Variants in TJP1 observed in about 807,000 individuals in gnomAD.
TJP1 encodes the protein tight junction protein 1, also known as tight junction protein ZO-1.
TJP1 carries 43 observed loss-of-function variants against 194.2 expected under a neutral mutation model. The ratio of observed to expected loss-of-function variants is 0.22; its 90% CI spans 0.17 to 0.29. The LOEUF (loss-of-function observed/expected upper bound fraction) is 0.29. Ranked by LOEUF, TJP1 falls within the 10% of genes least tolerant of loss-of-function variation. The pLI, the probability that TJP1 is intolerant of heterozygous loss-of-function variation, is 1.00. For synonymous variants in TJP1, 801 were observed against 779.0 expected, an observed-to-expected ratio of 1.03 and a Z score of -0.47; for missense variants, 1,971 against 2,185.7, an observed-to-expected ratio of 0.90 and a Z score of 1.96.
upstream of TJP1, chr15:29,969,011 C>A (rs956584487): frequency 2.0e-5 from 3 of 147,720 alleles, no homozygotes; most frequent in African/African-American, 7.3e-5. Flanking sequence ...CTCCCGCCGC[C>A]GCCGCCCCTT....
chr15:29,873,521 CT>C (rs1402938790), intron 2 of TJP1, among the ~76,000 whole-genome samples: 2 of 152,294 alleles, frequency 1.3e-5, no homozygotes, highest in East Asian at 1.9e-4. Context: ...GAGTCAGTTT[CT>C]TTTTTGAATC....
intron 2 of TJP1, among the ~76,000 whole-genome samples, chr15:29,787,594 C>T (rs2047780405): frequency 6.6e-6 from 1 of 152,190 alleles, no homozygotes; most frequent in Admixed American, 6.5e-5. Flanking sequence ...AATGGAATCA[C>T]ATAATATATG....
intron 2 of TJP1, among the ~76,000 whole-genome samples, chr15:29,828,028 A>G (rs946593372): frequency 6.6e-6 from 1 of 152,248 alleles, no homozygotes; most frequent in Non-Finnish European, 1.5e-5. Context: ...TATATTTTTT[A>G]AAGTCCAACA....
Position 29,796,964 on chromosome 15 carries a change from G to GA in TJP1, c.84+3681dup, listed in dbSNP as rs35168660. 8.7e-4 allele frequency among the ~76,000 whole-genome samples: 131 copies of GA among 150,256 alleles called. 1 individual carries two copies. The highest frequency in any genetic ancestry group is 2.9e-3 in the African/African-American group (120 of 40,868). ...CAAAATAAACACTGGACATCTGTAT[G>GA]AAAAAAAAAAAATCTCTCTGCCCGT... is the stretch of plus-strand genomic sequence containing the variant. On this transcript the variant is annotated intron_variant, in intron 2 of 27. Coordinates refer to ENST00000614355, the MANE Select transcript of TJP1 (RefSeq NM_001330239.4).
chr15:29,943,360 T>C (rs2055151664), intron 2 of TJP1, among the ~76,000 whole-genome samples: 1 of 152,196 alleles, frequency 6.6e-6, no homozygotes, highest in Admixed American at 6.5e-5. Flanking sequence ...CCAGGCACAG[T>C]GGCTCACGCC....
chr15:29,950,133 C>T (rs1171964674), intron 2 of TJP1, among the ~76,000 whole-genome samples: 6 of 88,412 alleles, frequency 6.8e-5, no homozygotes, highest in Non-Finnish European at 1.5e-4. Context: ...ACCACCTCCA[C>T]CACCACCACA....
intron 2 of TJP1, among the ~76,000 whole-genome samples, chr15:29,867,297 T>G (rs959344342): frequency 1.3e-5 from 2 of 152,130 alleles, no homozygotes; most frequent in African/African-American, 2.4e-5. Context: ...AGAAATCAAC[T>G]GAAAAAAATG....
At chr15:29,810,652 A>C (rs1310240582) in intron 1 of TJP1, among the ~76,000 whole-genome samples, 1 of 152,204 alleles carries the variant, frequency 6.6e-6, no homozygotes, top group Admixed American at 6.5e-5. Flanking sequence ...ATAGCAGAGA[A>C]CTAAGTACAG....
chr15:29,790,019 T>C (rs564953431), intron 2 of TJP1, among the ~76,000 whole-genome samples: 6 of 152,164 alleles, frequency 3.9e-5, no homozygotes, highest in Non-Finnish European at 7.3e-5. Context: ...CTCTTTACAA[T>C]AAAACCTGGA....
intron 17 of TJP1, 76 bp from the exon 18 acceptor site, chr15:29,726,555 G>GC (rs1161656340): frequency 7.2e-7 from 1 of 1,388,632 alleles, no homozygotes; most frequent in Non-Finnish European, 1.0e-6. Context: ...CCTGCTTACA[G>GC]CTAAATCGTC....
chr15:29,840,148 T>C (rs1460507720), intron 2 of TJP1, among the ~76,000 whole-genome samples: 3 of 152,236 alleles, frequency 2.0e-5, no homozygotes, highest in Non-Finnish European at 4.4e-5. Context: ...AAGGACTTTG[T>C]TGAATATGCG....
chr15:29,714,995 C>T (rs2042475721), intron 23 of TJP1, among the ~76,000 whole-genome samples: 1 of 152,208 alleles, frequency 6.6e-6, no homozygotes, highest in Non-Finnish European at 1.5e-5. Flanking sequence ...CACCCTTCTG[C>T]CTTACCAAAG....
chr15:29,733,035 G>T, intron 13 of TJP1, 59 bp downstream of exon 13: 1 of 1,530,044 alleles, frequency 6.5e-7, no homozygotes, highest in Non-Finnish European at 9.0e-7. Flanking sequence ...CAGTGGGATT[G>T]AAATGATCTA....
intron 1 of TJP1, among the ~76,000 whole-genome samples, chr15:29,963,874 G>A (rs1281923454): frequency 6.6e-6 from 1 of 152,056 alleles, no homozygotes; most frequent in Non-Finnish European, 1.5e-5. Flanking sequence ...GGATGGTCTC[G>A]ATCTCTTGAC....
At chr15:29,806,880 T>A (rs1421631763) in intron 1 of TJP1, among the ~76,000 whole-genome samples, 1 of 151,698 alleles carries the variant, frequency 6.6e-6, no homozygotes, top group Non-Finnish European at 1.5e-5. Context: ...AATAGAAATG[T>A]CCAGGAGGTA....
intron 2 of TJP1, among the ~76,000 whole-genome samples, chr15:29,926,383 A>T (rs1718992): frequency 6.6e-6 from 1 of 152,134 alleles, no homozygotes; most frequent in South Asian, 2.1e-4. Context: ...AGACCGAGGC[A>T]GGTGGATCAC....
chr15:29,737,055 T>C (rs1161851051), intron 11 of TJP1, among the ~76,000 whole-genome samples: 2 of 152,142 alleles, frequency 1.3e-5, no homozygotes, highest in Non-Finnish European at 2.9e-5. Flanking sequence ...ACACAAAATA[T>C]AGCAGTAAAC....
chr15:29,815,416 A>G (rs554010580), intron 1 of TJP1, among the ~76,000 whole-genome samples: 6 of 152,350 alleles, frequency 3.9e-5, no homozygotes, highest in African/African-American at 7.2e-5. Context: ...AGTTCCAGTC[A>G]AATATTCCAG....
At chr15:29,900,026 G>T (rs1370543917) in intron 2 of TJP1, among the ~76,000 whole-genome samples, 1 of 152,158 alleles carries the variant, frequency 6.6e-6, no homozygotes, top group African/African-American at 2.4e-5. Flanking sequence ...TTAAACGGTG[G>T]TTAAGTGCCA....
Sources: allele counts gnomAD v4.1 joint callset (sites outside exome capture counted in the v4.1 genomes callset), GRCh38; gene constraint gnomAD v4.1.1; transcripts MANE v1.5; gene names NCBI Gene and HGNC (gene_info 2026-07-23, HGNC 2026-07-21).